The following ASAH2 variants were observed in gnomAD, a reference collection of about 807,000 sequenced individuals.
ASAH2 encodes N-acylsphingosine amidohydrolase 2.
In ASAH2, 58 loss-of-function variants were observed where a neutral mutation model predicts 82.9. That is an observed-to-expected ratio of 0.70 (90% confidence interval 0.57 to 0.87). The LOEUF (loss-of-function observed/expected upper bound fraction) is 0.87. Ranked by LOEUF, ASAH2 falls within the 40% of genes least tolerant of loss-of-function variation. The pLI, the probability that ASAH2 is intolerant of heterozygous loss-of-function variation, is 0.00. For synonymous variants in ASAH2, 276 were observed against 289.7 expected, an observed-to-expected ratio of 0.95 and a Z score of 0.48; for missense variants, 779 against 834.0, an observed-to-expected ratio of 0.93 and a Z score of 0.81.
chr10:50,209,410 T>G (rs1331840852), intron 12 of ASAH2, among the ~76,000 whole-genome samples: 1 of 151,882 alleles, frequency 6.6e-6, no homozygotes, highest in Non-Finnish European at 1.5e-5. Context: ...AGTGCAGTGG[T>G]GCAATCTTGT....
chr10:50,238,982 G>T (rs1846227147), intron 4 of ASAH2, among the ~76,000 whole-genome samples: 1 of 152,098 alleles, frequency 6.6e-6, no homozygotes, highest in African/African-American at 2.4e-5. Flanking sequence ...AAAATAACGT[G>T]TTTCCCAGTT....
intron 12 of ASAH2, among the ~76,000 whole-genome samples, chr10:50,207,693 C>T (rs1006922818): frequency 1.3e-5 from 2 of 150,562 alleles, no homozygotes; most frequent in African/African-American, 4.9e-5. Flanking sequence ...TAACTACTTA[C>T]AACAAATAAC....
chr10:50,195,913 T>G (rs1844965835), intron 18 of ASAH2, among the ~76,000 whole-genome samples: 1 of 151,452 alleles, frequency 6.6e-6, no homozygotes, highest in Non-Finnish European at 1.5e-5. Flanking sequence ...GGTTAGGGGG[T>G]TGGGGAGGTA....
chr10:50,222,645 TTAAAA>T (rs1187022714), intron 7 of ASAH2, among the ~76,000 whole-genome samples: 6 of 152,132 alleles, frequency 3.9e-5, no homozygotes, highest in Non-Finnish European at 5.9e-5. Context: ...CTCTAGAAAA[TTAAAA>T]TAAAATAAGT....
chr10:50,196,386 A>G (rs1432808421), intron 18 of ASAH2, among the ~76,000 whole-genome samples: 1 of 151,654 alleles, frequency 6.6e-6, no homozygotes, highest in Non-Finnish European at 1.5e-5. Flanking sequence ...TCCTCCCCCC[A>G]GAAAAACTGT....
At chr10:50,205,677 TC>T (rs1845274178) in intron 13 of ASAH2, among the ~76,000 whole-genome samples, 1 of 151,994 alleles carries the variant, frequency 6.6e-6, no homozygotes, top group African/African-American at 2.4e-5. Context: ...TGGTGCTGAC[TC>T]CCTTCTTGGA....
intron 7 of ASAH2, 92 bp downstream of exon 7, chr10:50,233,092 G>T: frequency 1.0e-6 from 1 of 990,888 alleles, no homozygotes; most frequent in Non-Finnish European, 1.6e-6. Flanking sequence ...CTTATTCTCA[G>T]TGTGTGCTGG....
At chr10:50,214,440 C>T (rs992487482) in intron 9 of ASAH2, among the ~76,000 whole-genome samples, 6 of 152,104 alleles carry the variant, frequency 3.9e-5, no homozygotes. Flanking sequence ...TTGTGACTTT[C>T]GAAATGCCAA....
chr10:50,223,478 G>T (rs1387287062), intron 7 of ASAH2, among the ~76,000 whole-genome samples: 6 of 152,112 alleles, frequency 3.9e-5, no homozygotes, highest in African/African-American at 9.7e-5. Flanking sequence ...TTAGACAAAG[G>T]TTCTACGTGC....
At chr10:50,238,485 C>T (rs1846212347) in intron 4 of ASAH2, among the ~76,000 whole-genome samples, 1 of 152,122 alleles carries the variant, frequency 6.6e-6, no homozygotes, top group African/African-American at 2.4e-5. Context: ...TCTCTTTGGT[C>T]CTAACTCCAG....
chr10:50,199,944 T>G (rs1845096603), intron 16 of ASAH2, among the ~76,000 whole-genome samples: 1 of 151,510 alleles, frequency 6.6e-6, no homozygotes, highest in East Asian at 1.9e-4. Context: ...TTGTATTAGG[T>G]TCAGAGGTAC....
intron 4 of ASAH2, among the ~76,000 whole-genome samples, chr10:50,237,047 G>C (rs1306268793): frequency 6.6e-6 from 1 of 152,152 alleles, no homozygotes; most frequent in African/African-American, 2.4e-5. Flanking sequence ...AGTGAGGAAA[G>C]ATCTTCTAAT....
rs2133187604 is a variant in ASAH2, at chr10:50,185,614, G to A, written c.*1701C>T. The stretch of plus-strand genomic sequence containing the variant: ...CTTTCAGGATCACTTGTTCTTTTAG[G>A]CTTCTGAACTTTTACACTGAAGACT... On this transcript the variant is annotated 3_prime_UTR_variant, in exon 21 of 21. Transcript: ENST00000682911. 1 of 87,194 alleles carries A rather than the reference G, an allele frequency of 1.1e-5. No homozygotes were observed. Among genetic ancestry groups the A allele is most frequent in the East Asian group, 2.7e-4 (1 of 3,708 alleles). 5.4% of individuals were successfully genotyped at this position (87,194 alleles called of 1,614,324 possible). A position where few individuals can be genotyped will look rare whatever the true frequency, so the allele number is the denominator to read the frequency against.
intron 2 of ASAH2, among the ~76,000 whole-genome samples, chr10:50,245,747 T>C (rs1846438582): frequency 6.6e-6 from 1 of 152,190 alleles, no homozygotes; most frequent in South Asian, 2.1e-4. Context: ...CCTGCTCTTC[T>C]TTTCCAGCTA....
At chr10:50,241,718 G>A (rs1055177730) in intron 4 of ASAH2, among the ~76,000 whole-genome samples, 1 of 152,086 alleles carries the variant, frequency 6.6e-6, no homozygotes, top group Non-Finnish European at 1.5e-5. Context: ...CATAAAAAAG[G>A]GTGAGTTCAT....
intron 4 of ASAH2, 37 bp downstream of exon 4, chr10:50,243,165 T>G: frequency 6.2e-7 from 1 of 1,609,618 alleles, no homozygotes; most frequent in Non-Finnish European, 8.5e-7. Flanking sequence ...TTAAACCATA[T>G]CATTTCTTCA....
At chr10:50,205,057 T>C in intron 13 of ASAH2, 102 bp from the exon 14 acceptor site, 1 of 773,102 alleles carries the variant, frequency 1.3e-6, no homozygotes, top group Non-Finnish European at 2.1e-6. Flanking sequence ...TAATTTATGA[T>C]GTAGTATTAA....
chr10:50,244,897 A>G (rs1846404965), intron 3 of ASAH2, among the ~76,000 whole-genome samples: 1 of 151,538 alleles, frequency 6.6e-6, no homozygotes, highest in South Asian at 2.1e-4. Flanking sequence ...CAAACTGAGC[A>G]TTCACTAGAC....
At chr10:50,224,918 G>C (rs901406192) in intron 7 of ASAH2, among the ~76,000 whole-genome samples, 12 of 152,192 alleles carry the variant, frequency 7.9e-5, no homozygotes, top group Non-Finnish European at 1.5e-4. Context: ...AATACACACC[G>C]GACTGCTCAG....
Sources: allele counts gnomAD v4.1 joint callset (sites outside exome capture counted in the v4.1 genomes callset), GRCh38; gene constraint gnomAD v4.1.1; transcripts MANE v1.5; gene names NCBI Gene and HGNC (gene_info 2026-07-23, HGNC 2026-07-21).